The following COL6A5 variants were observed in gnomAD, a reference collection of about 807,000 sequenced individuals.
COL6A5 encodes the protein collagen type VI alpha 5 chain, also known as collagen alpha-5(VI) chain.
In COL6A5, 48 loss-of-function variants were observed where a neutral mutation model predicts 65.6. That is an observed-to-expected ratio of 0.73 (90% CI 0.58 to 0.93). The LOEUF (loss-of-function observed/expected upper bound fraction) is 0.93. Among genes scored for constraint, COL6A5 ranks in the 40% least tolerant of loss-of-function variants. The pLI, the probability that COL6A5 is intolerant of heterozygous loss-of-function variation, is 0.00. For synonymous variants in COL6A5, 291 were observed against 322.8 expected, an observed-to-expected ratio of 0.90 and a Z score of 1.05; for missense variants, 914 against 928.3, an observed-to-expected ratio of 0.98 and a Z score of 0.20.
rs749005182 is a variant in COL6A5 at position 130,398,118 on chromosome 3, A to AGTT, written c.3991+17_3991+19dup. On this transcript the variant is annotated splice_region_variant and intron_variant and NMD_transcript_variant, in intron 10 of 41. Transcript: ENST00000312481. ...GACAGGCTCAGAGAAGCAGGTATTG[A>AGTT]GTTGTTGTTGTTTTTTTTTTTTTTT... The AGTT allele has an allele frequency of 2.6e-5, 29 of 1,107,188 alleles. No homozygotes were observed. The highest frequency in any genetic ancestry group is 1.2e-4 in the African/African-American group (7 of 59,422). 68.6% of individuals were successfully genotyped at this position (1,107,188 alleles called of 1,614,324 possible).
intron 22 of COL6A5, among the ~76,000 whole-genome samples, chr3:130,414,773 G>T (rs780271640): frequency 2.0e-5 from 3 of 152,026 alleles, no homozygotes; most frequent in Admixed American, 6.6e-5. Flanking sequence ...GCCTGGACTC[G>T]TATGGAAGGG....
intron 13 of COL6A5, 92 bp from the exon 14 acceptor site, chr3:130,405,496 C>A (rs1269885728): frequency 2.6e-6 from 2 of 782,270 alleles, no homozygotes; most frequent in Non-Finnish European, 4.3e-6. Flanking sequence ...TCATAGTGCC[C>A]ATGTGCTTTG....
Position 130,373,725 on chromosome 3 carries a change from T to C in COL6A5, c.67+20T>C. The C allele has an allele frequency of 3.5e-6, 5 of 1,428,178 alleles. No individual in the cohort carries two copies. Among genetic ancestry groups the C allele is most frequent in the Non-Finnish European group, 4.8e-6 (5 of 1,046,536 alleles). 88.5% of individuals were successfully genotyped at this position (1,428,178 alleles called of 1,614,324 possible). ...GCCCAGGTATCAGTATATTTTACGT[T>C]TATTATTATTTAGGAAATATTTTTA... On this transcript the variant is annotated intron_variant and NMD_transcript_variant, in intron 2 of 41. Coordinates refer to the COL6A5 transcript ENST00000312481.
intron 14 of COL6A5, 126 bp downstream of exon 14, chr3:130,405,785 A>G: frequency 1.1e-6 from 1 of 934,752 alleles, no homozygotes; most frequent in Non-Finnish European, 1.6e-6. Flanking sequence ...CTCCAGTTAT[A>G]TAGATGAGTT....
chr3:130,438,238 A>G (rs914901454), intron 1 of COL6A5, among the ~76,000 whole-genome samples: 3 of 152,086 alleles, frequency 2.0e-5, no homozygotes, highest in Non-Finnish European at 4.4e-5. Context: ...CTCGTGATCC[A>G]CCTGCCTTGG....
At chr3:130,355,821 C>A (rs1021489411) in intron 1 of COL6A5, among the ~76,000 whole-genome samples, 1 of 151,708 alleles carries the variant, frequency 6.6e-6, no homozygotes, top group African/African-American at 2.4e-5. Flanking sequence ...GAGTTTAAGT[C>A]CTTACTTTAA....
In COL6A5 at chr3:130,410,530, T is replaced by A. The variant is rs1386820798; in HGVS notation, c.4662+6T>A. The A allele has an allele frequency of 6.5e-7, 1 of 1,549,512 alleles. No individual in the cohort carries two copies. Among genetic ancestry groups the A allele is most frequent in the East Asian group, 2.4e-5 (1 of 40,882 alleles). On this transcript the variant is annotated splice_donor_region_variant and intron_variant and NMD_transcript_variant, in intron 20 of 41. Coordinates refer to the COL6A5 transcript ENST00000312481. The stretch of plus-strand genomic sequence containing the variant: ...CTAGTTCCAGAGGCAGCAGGGTAAG[T>A]ATTTCTGTGGACATTTATTTCCCCT...
chr3:130,451,946 G>A (rs530783082), intron 4 of COL6A5, among the ~76,000 whole-genome samples: 1 of 152,234 alleles, frequency 6.6e-6, no homozygotes, highest in African/African-American at 2.4e-5. Flanking sequence ...AATTCCCTGT[G>A]GAGACCAGTT....
intron 1 of COL6A5, among the ~76,000 whole-genome samples, chr3:130,433,919 T>C (rs1213871165): frequency 6.6e-6 from 1 of 151,934 alleles, no homozygotes; most frequent in African/African-American, 2.4e-5. Flanking sequence ...TTTTGGCAAG[T>C]CTGCTCTAAA....
chr3:130,424,086 A>C (rs1239617345), intron 29 of COL6A5, among the ~76,000 whole-genome samples, 186 bp downstream of exon 29: 2 of 152,114 alleles, frequency 1.3e-5, no homozygotes, highest in Non-Finnish European at 2.9e-5. Flanking sequence ...TTCTGTCCTA[A>C]CTACCTCAAA....
chr3:130,400,084 C>T (rs1178111115), intron 10 of COL6A5, among the ~76,000 whole-genome samples: 1 of 152,186 alleles, frequency 6.6e-6, no homozygotes, highest in African/African-American at 2.4e-5. Context: ...TACAGCCTCA[C>T]TTCTCTCCGT....
At chr3:130,437,787 CTCT>C (rs1396943455) in intron 1 of COL6A5, among the ~76,000 whole-genome samples, 9 of 152,118 alleles carry the variant, frequency 5.9e-5, no homozygotes, top group African/African-American at 1.9e-4. Flanking sequence ...TCCATCTTCC[CTCT>C]TCTTTGAATT....
At chr3:130,438,747 T>A (rs1274667542) in intron 1 of COL6A5, among the ~76,000 whole-genome samples, 1 of 152,220 alleles carries the variant, frequency 6.6e-6, no homozygotes. Flanking sequence ...CACCTGGGAA[T>A]GATAGATTTC....
intron 17 of COL6A5, among the ~76,000 whole-genome samples, chr3:130,408,196 T>G (rs1362299334): frequency 1.4e-5 from 2 of 146,598 alleles, no homozygotes; most frequent in African/African-American, 5.1e-5. Flanking sequence ...TTTCAGAAAG[T>G]GAATAGGAGA....
intron 7 of COL6A5, chr3:130,477,106 C>A: frequency 6.7e-7 from 1 of 1,492,646 alleles, no homozygotes; most frequent in Non-Finnish European, 9.0e-7. Context: ...CCAATACTTT[C>A]GTCATAGTGA....
At chr3:130,434,736 T>C (rs1382968185) in intron 1 of COL6A5, among the ~76,000 whole-genome samples, 1 of 152,248 alleles carries the variant, frequency 6.6e-6, no homozygotes, top group East Asian at 1.9e-4. Flanking sequence ...AAATGTCTTC[T>C]TTTGAGAAGT....
intron 7 of COL6A5, 132 bp downstream of exon 40, chr3:130,472,058 C>A: frequency 1.1e-6 from 1 of 906,236 alleles, no homozygotes. Flanking sequence ...AGGGGCTTAT[C>A]GTCTAAGGAT....
At chr3:130,429,558 C>T (rs747600513), upstream of COL6A5, 45 of 1,546,010 alleles carry the variant, frequency 2.9e-5, no homozygotes, top group Non-Finnish European at 3.9e-5. Flanking sequence ...ACTTTTCCCT[C>T]TCTCCTTTTC....
chr3:130,377,749 G>C (rs1474401826), intron 3 of COL6A5, among the ~76,000 whole-genome samples: 1 of 152,194 alleles, frequency 6.6e-6, no homozygotes, highest in Non-Finnish European at 1.5e-5. Flanking sequence ...CCTGTAAAGT[G>C]AGGATAATAG....
Sources: allele counts gnomAD v4.1 joint callset (sites outside exome capture counted in the v4.1 genomes callset), GRCh38; gene constraint gnomAD v4.1.1; transcripts MANE v1.5; gene names NCBI Gene and HGNC (gene_info 2026-07-23, HGNC 2026-07-21).